The following EYA2 variants were observed in gnomAD, a reference collection of about 807,000 sequenced individuals.
EYA2 encodes protein phosphatase EYA2.
EYA2 carries 31 observed loss-of-function variants against 69.2 expected under a neutral mutation model. The observed-to-expected ratio is 0.45, with a 90% CI of 0.34 to 0.60. The LOEUF (loss-of-function observed/expected upper bound fraction) is 0.60. Ranked by LOEUF, EYA2 falls within the 20% of genes least tolerant of loss-of-function variation. The pLI is 0.02. For missense variants in EYA2, 622 were observed against 701.2 expected (o/e 0.89, Z 1.28); for synonymous variants, 257 against 279.4 (o/e 0.92, Z 0.80).
chr20:47,180,781 C>T (rs75089240), intron 13 of EYA2, 34 bp from the exon 14 acceptor site: 20,448 of 1,609,414 alleles, frequency 0.013, 195 homozygotes, highest in Middle Eastern at 0.028. Context: ...TGTGGTCCCT[C>T]TGAGTTCTGA....
At chr20:46,943,422 C>G (rs1271025940) in intron 1 of EYA2, among the ~76,000 whole-genome samples, 1 of 151,026 alleles carries the variant, frequency 6.6e-6, no homozygotes, top group Non-Finnish European at 1.5e-5. Context: ...TCAGCTTCTC[C>G]TGGCATGGAG....
At chr20:47,070,460 C>T (rs2031273954) in intron 5 of EYA2, among the ~76,000 whole-genome samples, 1 of 152,190 alleles carries the variant, frequency 6.6e-6, no homozygotes, top group Admixed American at 6.5e-5. Context: ...ATGGCACAGC[C>T]ACTTAGGAAA....
At chr20:46,986,822 T>A (rs1236092013) in intron 1 of EYA2, among the ~76,000 whole-genome samples, 1 of 152,108 alleles carries the variant, frequency 6.6e-6, no homozygotes, top group Non-Finnish European at 1.5e-5. Flanking sequence ...ACCAAGCCAT[T>A]CATGAGGGAT....
chr20:46,988,216 G>A, intron 1 of EYA2, among the ~76,000 whole-genome samples: 1 of 148,842 alleles, frequency 6.7e-6, no homozygotes, highest in Non-Finnish European at 1.5e-5. Context: ...CGGGGGGCGG[G>A]GGTGGGTCCT....
intron 15 of EYA2, 22 bp from the exon 16 acceptor site, chr20:47,188,031 T>C (rs201195628): frequency 1.3e-4 from 204 of 1,555,826 alleles, no homozygotes; most frequent in Non-Finnish European, 1.5e-4. Flanking sequence ...CATAACCTTG[T>C]GGCTGGTGTT....
intron 11 of EYA2, among the ~76,000 whole-genome samples, 181 bp downstream of exon 11, chr20:47,169,378 G>A (rs2034272863): frequency 6.6e-6 from 1 of 152,104 alleles, no homozygotes; most frequent in Admixed American, 6.5e-5. Context: ...GGGTGTGGTG[G>A]CTCATACTTG....
intron 5 of EYA2, among the ~76,000 whole-genome samples, chr20:47,017,416 C>T (rs1460195078): frequency 2.0e-5 from 3 of 152,176 alleles, no homozygotes; most frequent in African/African-American, 7.2e-5. Context: ...CAGCTGTGCG[C>T]TGCTGTACCC....
chr20:47,173,113 G>A (rs936330896), intron 12 of EYA2, among the ~76,000 whole-genome samples: 5 of 152,114 alleles, frequency 3.3e-5, no homozygotes, highest in East Asian at 1.9e-4. Context: ...CAAATGGCGC[G>A]GGGTGGACGT....
At chr20:46,966,323 T>G (rs1181431975) in intron 1 of EYA2, among the ~76,000 whole-genome samples, 1 of 152,166 alleles carries the variant, frequency 6.6e-6, no homozygotes, top group Non-Finnish European at 1.5e-5. Context: ...CAAAATACTA[T>G]TCATCACATA....
chr20:47,109,231 C>T (rs1010731558), intron 9 of EYA2, among the ~76,000 whole-genome samples: 2 of 152,166 alleles, frequency 1.3e-5, no homozygotes, highest in African/African-American at 2.4e-5. Context: ...AGCTTTACTG[C>T]ACATTTCCTA....
intron 1 of EYA2, among the ~76,000 whole-genome samples, chr20:46,903,581 T>G (rs1368243761): frequency 1.3e-5 from 2 of 152,190 alleles, no homozygotes; most frequent in Non-Finnish European, 2.9e-5. Flanking sequence ...AGTGTTAACC[T>G]ACTCCTGCGT....
At chr20:47,027,353 G>A (rs1372412617) in intron 5 of EYA2, among the ~76,000 whole-genome samples, 1 of 152,220 alleles carries the variant, frequency 6.6e-6, no homozygotes, top group African/African-American at 2.4e-5. Context: ...TTGTTGGACT[G>A]AGGCCGAGTT....
intron 1 of EYA2, among the ~76,000 whole-genome samples, chr20:46,974,476 C>G (rs139124474): frequency 0.015 from 2,304 of 152,202 alleles, 31 homozygotes; most frequent in Non-Finnish European, 0.024. Flanking sequence ...AAGAGGTAAA[C>G]AGTGAAGGGT....
chr20:47,066,293 C>CT (rs1335527928), intron 5 of EYA2, among the ~76,000 whole-genome samples: 3 of 151,998 alleles, frequency 2.0e-5, no homozygotes, highest in African/African-American at 7.3e-5. Flanking sequence ...GATCATGCCA[C>CT]TGCACTCCAG....
chr20:47,172,906 C>T, intron 12 of EYA2, 39 bp downstream of exon 12: 1 of 1,578,160 alleles, frequency 6.3e-7, no homozygotes. Flanking sequence ...GGAAGGGAAA[C>T]TCATTGGGAT....
rs1013272328 is a variant in EYA2, at chr20:47,122,460, AT to A, written c.889-20589del. ...AGGCACCCGCCACCGCACCCGGCTA[AT>A]TTTTTTTTTGTATTTTTTAGTAGAG... On this transcript the variant is annotated intron_variant, in intron 9 of 15. Transcript: ENST00000327619. Among the ~76,000 whole-genome samples, 440 of 148,116 alleles carry A rather than the reference AT, an allele frequency of 3.0e-3. 1 individual carries two copies. The highest frequency in any genetic ancestry group is 0.01 in the African/African-American group (418 of 40,424).
At chr20:46,928,316 A>C (rs1431201102) in intron 1 of EYA2, among the ~76,000 whole-genome samples, 1 of 152,192 alleles carries the variant, frequency 6.6e-6, no homozygotes, top group African/African-American at 2.4e-5. Context: ...TGATCTTTCA[A>C]GTACTGCTTT....
At chr20:47,182,106 C>G (rs895840559) in intron 14 of EYA2, among the ~76,000 whole-genome samples, 1 of 151,918 alleles carries the variant, frequency 6.6e-6, no homozygotes, top group African/African-American at 2.4e-5. Context: ...ACCTCCGCCT[C>G]CTGGGTTCAA....
chr20:46,980,205 C>T (rs1416599050), intron 1 of EYA2, among the ~76,000 whole-genome samples: 2 of 152,228 alleles, frequency 1.3e-5, no homozygotes, highest in Non-Finnish European at 2.9e-5. Context: ...CTCCTTATCT[C>T]TACCTACTTC....
Sources: allele counts gnomAD v4.1 joint callset (sites outside exome capture counted in the v4.1 genomes callset), GRCh38; gene constraint gnomAD v4.1.1; transcripts MANE v1.5; gene names NCBI Gene and HGNC (gene_info 2026-07-23, HGNC 2026-07-21).